Variants in ETV1 observed in about 807,000 individuals in gnomAD.
ETV1 encodes the protein ETS variant transcription factor 1.
In ETV1, 27 loss-of-function variants were observed where a neutral mutation model predicts 62.3. The ratio of observed to expected loss-of-function variants is 0.43; its 90% CI spans 0.32 to 0.60. The LOEUF is 0.60. ETV1 is among the 20% of genes least tolerant of loss of function. ETV1 has a pLI of 0.06. For synonymous variants in ETV1, 222 were observed against 199.6 expected (o/e 1.11, Z -0.94); for missense variants, 605 against 605.8 (o/e 1.00, Z 0.01).
intron 5 of ETV1, among the ~76,000 whole-genome samples, chr7:13,983,634 T>A (rs909118708): frequency 6.6e-6 from 1 of 151,322 alleles, no homozygotes; most frequent in African/African-American, 2.4e-5. Flanking sequence ...TTTTTTTTTT[T>A]AACTACTGTG....
intron 8 of ETV1, 119 bp from the exon 9 acceptor site, chr7:13,931,868 A>T: frequency 8.4e-7 from 1 of 1,197,602 alleles, no homozygotes; most frequent in South Asian, 1.6e-5. Flanking sequence ...TGAAGCGTAA[A>T]TCTTTAACAA....
chr7:13,946,670 G>A lies in ETV1; in HGVS notation c.236-7424C>T, dbSNP rs187857748. Among the ~76,000 whole-genome samples, 276 of 152,240 alleles carry A rather than the reference G, an allele frequency of 1.8e-3. 2 individuals carry two copies. Among genetic ancestry groups the A allele is most frequent in the African/African-American group, 6.0e-3 (251 of 41,552 alleles). On this transcript the variant is annotated intron_variant, in intron 6 of 13. Coordinates refer to ENST00000430479, the MANE Select transcript of ETV1 (RefSeq NM_004956.5). The stretch of plus-strand genomic sequence containing the variant: ...CCCTGAGCTTTCTAAAAGCAACAAT[G>A]CTGGTATACAACTACAGCTTTGGTT...
At position 13,893,576 on chromosome 7, in the gene ETV1, AC is replaced by A. The variant is rs995313696; in HGVS notation, c.*2289del. 2 of 231,844 alleles carry A rather than the reference AC, an allele frequency of 8.6e-6. No homozygotes were observed. Among genetic ancestry groups the A allele is most frequent in the Non-Finnish European group, 1.7e-5 (2 of 117,356 alleles). 14.4% of individuals were successfully genotyped at this position (231,844 alleles called of 1,614,324 possible). A position where few individuals can be genotyped will look rare whatever the true frequency, so the allele number is the denominator to read the frequency against. On this transcript the variant is annotated 3_prime_UTR_variant, in exon 14 of 14. Coordinates refer to ENST00000430479, the MANE Select transcript of ETV1 (RefSeq NM_004956.5). ...CGTTAGCATGGCCCAATTCTTCCTC[AC>A]TGACTGACTAAAACTAGACTATTAA... is the stretch of plus-strand genomic sequence containing the variant.
chr7:13,957,316 G>A (rs998304092), intron 6 of ETV1, among the ~76,000 whole-genome samples: 1 of 152,052 alleles, frequency 6.6e-6, no homozygotes, highest in African/African-American at 2.4e-5. Context: ...TCGATCTCCT[G>A]ACCTCGTGAT....
At chr7:13,903,948 C>T (rs569606172) in intron 12 of ETV1, among the ~76,000 whole-genome samples, 1 of 152,170 alleles carries the variant, frequency 6.6e-6, no homozygotes, top group South Asian at 2.1e-4. Flanking sequence ...CACTCAATAT[C>T]ATTTTAAAAT....
chr7:13,962,364 G>A (rs1000050896), intron 6 of ETV1, among the ~76,000 whole-genome samples: 4 of 151,868 alleles, frequency 2.6e-5, no homozygotes, highest in Admixed American at 2.0e-4. Flanking sequence ...AGAGGCCTAG[G>A]TCCAATGTCC....
intron 12 of ETV1, among the ~76,000 whole-genome samples, chr7:13,902,669 T>C (rs180972214): frequency 1.1e-3 from 160 of 152,290 alleles, no homozygotes; most frequent in African/African-American, 3.4e-3. Context: ...AATAAAGTAT[T>C]AGTATCTCCT....
At chr7:13,904,238 A>G (rs546011973) in intron 12 of ETV1, among the ~76,000 whole-genome samples, 1 of 152,342 alleles carries the variant, frequency 6.6e-6, no homozygotes, top group South Asian at 2.1e-4. Context: ...AAGCCTTAGG[A>G]GACATTCAGT....
intron 6 of ETV1, among the ~76,000 whole-genome samples, chr7:13,968,937 A>G (rs573287092): frequency 6.6e-6 from 1 of 152,256 alleles, no homozygotes; most frequent in Middle Eastern, 3.4e-3. Flanking sequence ...CAAGATGGAG[A>G]GTACTTTTCA....
intron 5 of ETV1, chr7:13,985,566 C>T (rs949970875): frequency 6.5e-6 from 1 of 152,958 alleles, no homozygotes; most frequent in African/African-American, 2.4e-5. Flanking sequence ...GCTACAGTAA[C>T]ACCTGGGTTC....
rs1182122635 is a variant in ETV1 at position 13,946,020 on chromosome 7, AC to A, written c.236-6775del. On this transcript the variant is annotated intron_variant, in intron 6 of 13. Coordinates refer to ENST00000430479, the MANE Select transcript of ETV1 (RefSeq NM_004956.5). The stretch of plus-strand genomic sequence containing the variant: ...CAGTACCATCCTTGCTGAGTCTGGA[AC>A]AGAGTTACAGGCATCTGCGTTGTTT... Among the ~76,000 whole-genome samples, 21 of 152,332 alleles carry A rather than the reference AC, an allele frequency of 1.4e-4. No homozygotes were observed. In the East Asian group the frequency reaches 3.1e-3, roughly 22 times the overall value.
At chr7:13,958,237 C>G (rs1583796159) in intron 6 of ETV1, among the ~76,000 whole-genome samples, 1 of 152,174 alleles carries the variant, frequency 6.6e-6, no homozygotes, top group Non-Finnish European at 1.5e-5. Context: ...ACTTTCTCCT[C>G]CCCAATAACA....
chr7:13,965,997 C>T (rs757924776), intron 6 of ETV1, among the ~76,000 whole-genome samples: 185 of 152,224 alleles, frequency 1.2e-3, no homozygotes, highest in Non-Finnish European at 2.2e-3. Flanking sequence ...GAACCATCCT[C>T]TACAAGCCAA....
chr7:13,939,974 A>G (rs899802476), intron 6 of ETV1, among the ~76,000 whole-genome samples: 2 of 152,238 alleles, frequency 1.3e-5, no homozygotes, highest in African/African-American at 4.8e-5. Context: ...ATATGCATTT[A>G]TGTTTAATAA....
At chr7:13,974,595 A>C (rs951165130) in intron 6 of ETV1, among the ~76,000 whole-genome samples, 1 of 152,242 alleles carries the variant, frequency 6.6e-6, no homozygotes, top group Non-Finnish European at 1.5e-5. Flanking sequence ...GAACTAAAAC[A>C]ATGAAATAGG....
intron 9 of ETV1, among the ~76,000 whole-genome samples, chr7:13,928,482 C>G (rs2299090): frequency 6.6e-6 from 1 of 151,820 alleles, no homozygotes; most frequent in Non-Finnish European, 1.5e-5. Flanking sequence ...GGCATGGTGG[C>G]GCATGCCTGT....
upstream of ETV1, chr7:13,990,823 G>C (rs1446957418): frequency 6.6e-6 from 1 of 152,202 alleles, no homozygotes; most frequent in South Asian, 2.1e-4. Flanking sequence ...ACCAGAACTA[G>C]TGACCAAAAG....
At chr7:13,978,047 T>G (rs73278743) in intron 5 of ETV1, among the ~76,000 whole-genome samples, 4,566 of 152,264 alleles carry the variant, frequency 0.03, 217 homozygotes, top group African/African-American at 0.1. Flanking sequence ...GGTCCTTGAT[T>G]TGGCTCATAT....
intron 9 of ETV1, among the ~76,000 whole-genome samples, chr7:13,931,259 G>A (rs775775766): frequency 3.3e-5 from 5 of 152,180 alleles, no homozygotes; most frequent in African/African-American, 4.8e-5. Flanking sequence ...GCATAATTCT[G>A]TAAAGTGTAT....
Sources: gnomAD v4.1 joint callset for allele counts (sites outside exome capture counted in the v4.1 genomes callset) on GRCh38, gnomAD v4.1.1 for gene constraint, MANE v1.5 for transcripts, NCBI Gene and HGNC (gene_info 2026-07-23, HGNC 2026-07-21) for gene names.